Variants in DLGAP2 observed in about 807,000 individuals in gnomAD.
The protein encoded by DLGAP2 is disks large-associated protein 2.
A neutral mutation model predicts 100.3 loss-of-function variants in DLGAP2; 26 were observed. The ratio of observed to expected loss-of-function variants is 0.26; its 90% confidence interval spans 0.19 to 0.36. DLGAP2 has a LOEUF of 0.36. Ranked by LOEUF, DLGAP2 falls within the 10% of genes least tolerant of loss-of-function variation. The probability of loss-of-function intolerance (pLI) is 1.00; values close to 1 mark genes in which losing one functional copy is unlikely to be tolerated. For missense variants in DLGAP2, 1,858 were observed against 1,453.2 expected, an observed-to-expected ratio of 1.28 and a Z score of -4.53; for synonymous variants, 886 against 630.1, an observed-to-expected ratio of 1.41 and a Z score of -6.08.
chr8:1,592,992 G>T (rs183815062), intron 6 of DLGAP2, among the ~76,000 whole-genome samples: 91 of 152,232 alleles, frequency 6.0e-4, no homozygotes, highest in African/African-American at 2.0e-3. Context: ...ATATTATGAA[G>T]TACTCAAATT....
At chr8:1,415,538 C>T (rs1157470918) in intron 3 of DLGAP2, among the ~76,000 whole-genome samples, 1 of 152,138 alleles carries the variant, frequency 6.6e-6, no homozygotes, top group African/African-American at 2.4e-5. Flanking sequence ...GTTTAGCCTC[C>T]ACTTATAAGT....
intron 3 of DLGAP2, among the ~76,000 whole-genome samples, chr8:1,388,059 T>C (rs181288769): frequency 2.0e-5 from 3 of 152,288 alleles, no homozygotes; most frequent in African/African-American, 7.2e-5. Flanking sequence ...GGGCTGGGGC[T>C]AGTGTCAGCG....
At chr8:1,522,948 G>A (rs1056091626) in intron 4 of DLGAP2, among the ~76,000 whole-genome samples, 2 of 152,172 alleles carry the variant, frequency 1.3e-5, no homozygotes, top group Non-Finnish European at 2.9e-5. Flanking sequence ...AGATGTATAT[G>A]TTTTAAAGTA....
chr8:1,280,424 G>GAA (rs2116947294), intron 3 of DLGAP2, among the ~76,000 whole-genome samples: 1 of 152,272 alleles, frequency 6.6e-6, no homozygotes, highest in South Asian at 2.1e-4. Context: ...AATATCTACT[G>GAA]ATTTTCCCTG....
intron 6 of DLGAP2, among the ~76,000 whole-genome samples, chr8:1,604,155 G>A (rs551852384): frequency 1.8e-4 from 27 of 152,314 alleles, no homozygotes; most frequent in African/African-American, 5.8e-4. Context: ...ACATATGGCC[G>A]TTATCGACAT....
intron 2 of DLGAP2, among the ~76,000 whole-genome samples, chr8:1,240,230 C>T (rs1406102406): frequency 2.6e-5 from 2 of 75,928 alleles, no homozygotes; most frequent in Non-Finnish European, 7.1e-5. Context: ...GTCTAGTTCT[C>T]TCACATGGCG....
intron 6 of DLGAP2, among the ~76,000 whole-genome samples, chr8:1,593,591 G>A (rs188713261): frequency 2.2e-3 from 339 of 152,204 alleles, no homozygotes; most frequent in African/African-American, 7.9e-3. Flanking sequence ...TTCCTACCCT[G>A]GCACAGCACC....
At chr8:1,140,295 C>T (rs1305282158) in intron 2 of DLGAP2, among the ~76,000 whole-genome samples, 4 of 152,112 alleles carry the variant, frequency 2.6e-5, no homozygotes, top group African/African-American at 7.2e-5. Flanking sequence ...CCTTGGGAGG[C>T]TCTGGATGGT....
intron 3 of DLGAP2, among the ~76,000 whole-genome samples, chr8:1,367,287 G>T (rs1285901371): frequency 2.6e-5 from 4 of 152,236 alleles, no homozygotes; most frequent in African/African-American, 9.6e-5. Context: ...AAACTCAAAA[G>T]CTTTCTCTAG....
chr8:1,319,034 G>A (rs1283749222), intron 3 of DLGAP2, among the ~76,000 whole-genome samples: 1 of 151,726 alleles, frequency 6.6e-6, no homozygotes, highest in African/African-American at 2.4e-5. Flanking sequence ...GAGCTCGGTG[G>A]CGAACAATGG....
At chr8:1,182,128 T>C (rs1341621831) in intron 2 of DLGAP2, among the ~76,000 whole-genome samples, 1 of 152,250 alleles carries the variant, frequency 6.6e-6, no homozygotes, top group African/African-American at 2.4e-5. Context: ...CTCCGTGTTC[T>C]GTTCCTGAGG....
intron 7 of DLGAP2, among the ~76,000 whole-genome samples, chr8:1,630,499 G>A (rs1166710275): frequency 1.3e-5 from 2 of 152,018 alleles, no homozygotes; most frequent in African/African-American, 2.4e-5. Context: ...TCAGGAGATC[G>A]AGACCATCCT....
chr8:1,680,974 C>T (rs1165380166), intron 12 of DLGAP2: 2 of 152,146 alleles, frequency 1.3e-5, no homozygotes, highest in Non-Finnish European at 2.9e-5. Flanking sequence ...ACCTGCATGT[C>T]ACTCAATCAA....
rs1197870003 is a variant in DLGAP2, at chr8:1,634,050, T to G, written c.1810+1004T>G. On this transcript the variant is annotated intron_variant, in intron 8 of 14. Coordinates refer to ENST00000637795, the MANE Select transcript of DLGAP2 (RefSeq NM_001346810.2). ...TAGAAATTGCAGTCGGCACTATCAT[T>G]GCACTTTGTGTAGAAAGTATTTCAT... 2.0e-5 allele frequency among the ~76,000 whole-genome samples: 3 copies of G among 152,190 alleles called. No homozygotes were observed. In the East Asian group the frequency reaches 5.8e-4, roughly 29 times the overall value.
At chr8:977,031 C>T (rs892237308) in intron 2 of DLGAP2, among the ~76,000 whole-genome samples, 1 of 152,206 alleles carries the variant, frequency 6.6e-6, no homozygotes, top group African/African-American at 2.4e-5. Context: ...TTACAAAACA[C>T]TTACCTAATA....
intron 8 of DLGAP2, among the ~76,000 whole-genome samples, chr8:1,662,972 T>C (rs1380207927): frequency 6.9e-6 from 1 of 145,296 alleles, no homozygotes; most frequent in East Asian, 2.1e-4. Flanking sequence ...GTGTGGGGTA[T>C]GACTGTGTGT....
In DLGAP2 at chr8:1,669,923, T is replaced by C. The variant is rs541131869; in HGVS notation, c.2202+139T>C. 2.3e-4 allele frequency: 158 copies of C among 683,600 alleles called. 1 individual carries two copies. The African/African-American group carries it at 2.3e-3, about 10-fold the overall frequency. The allele number at this position is 683,600 out of a possible 1,614,324, so 42.3% of individuals were successfully genotyped here. The stretch of plus-strand genomic sequence containing the variant: ...GCACTATGCTGGGTGCTCCCATCTG[T>C]CCCCCTTAGATGAGGACAAGGGGCT... On this transcript the variant is annotated intron_variant, in intron 10 of 14. Coordinates refer to ENST00000637795, the MANE Select transcript of DLGAP2 (RefSeq NM_001346810.2).
At chr8:1,102,024 C>G (rs1282509489) in intron 2 of DLGAP2, among the ~76,000 whole-genome samples, 1 of 151,862 alleles carries the variant, frequency 6.6e-6, no homozygotes, top group Non-Finnish European at 1.5e-5. Context: ...AAAAAGCAGC[C>G]AGCATATTGT....
intron 2 of DLGAP2, among the ~76,000 whole-genome samples, chr8:1,033,249 A>G (rs1373835719): frequency 6.6e-6 from 1 of 152,210 alleles, no homozygotes; most frequent in African/African-American, 2.4e-5. Flanking sequence ...CAGAAATGAC[A>G]AACAGGCCCC....
Sources: gnomAD v4.1 joint callset for allele counts (sites outside exome capture counted in the v4.1 genomes callset) on GRCh38, gnomAD v4.1.1 for gene constraint, MANE v1.5 for transcripts, NCBI Gene and HGNC (gene_info 2026-07-23, HGNC 2026-07-21) for gene names.